The following SPEF2 variants were observed in gnomAD, a reference collection of about 807,000 sequenced individuals.
SPEF2 encodes the protein sperm flagellar and cilia associated 2.
In SPEF2, 187 loss-of-function variants were observed where a neutral mutation model predicts 224.6. The ratio of observed to expected loss-of-function variants is 0.83; its 90% confidence interval spans 0.74 to 0.94. The LOEUF (loss-of-function observed/expected upper bound fraction) is 0.94, where lower values mean the gene tolerates loss of function less well. SPEF2 is among the 40% of genes least tolerant of loss of function. The probability of loss-of-function intolerance (pLI) is 0.00; values close to 1 mark genes in which losing one functional copy is unlikely to be tolerated. For synonymous variants in SPEF2, 715 were observed against 707.3 expected, an observed-to-expected ratio of 1.01 and a Z score of -0.17; for missense variants, 2,170 against 2,135.6, an observed-to-expected ratio of 1.02 and a Z score of -0.32.
At chr5:35,625,901 GC>G (rs1561090116) in intron 1 of SPEF2, among the ~76,000 whole-genome samples, 1 of 152,200 alleles carries the variant, frequency 6.6e-6, no homozygotes, top group Non-Finnish European at 1.5e-5. Flanking sequence ...GATTTCAGTT[GC>G]TTTAAAGACT....
At chr5:35,668,552 G>T (rs185255803) in intron 9 of SPEF2, among the ~76,000 whole-genome samples, 1 of 152,198 alleles carries the variant, frequency 6.6e-6, no homozygotes, top group Non-Finnish European at 1.5e-5. Flanking sequence ...CAACATGATG[G>T]GTTCTGTGGT....
chr5:35,673,829 T>C (rs1414591538), intron 10 of SPEF2, among the ~76,000 whole-genome samples: 1 of 152,242 alleles, frequency 6.6e-6, no homozygotes, highest in Non-Finnish European at 1.5e-5. Flanking sequence ...TGTGGTTGTA[T>C]ATGTTATGGT....
At chr5:35,634,669 G>A (rs1034527904) in intron 2 of SPEF2, among the ~76,000 whole-genome samples, 1 of 151,992 alleles carries the variant, frequency 6.6e-6, no homozygotes, top group Admixed American at 6.6e-5. Context: ...GTAGGTCTCT[G>A]AGGCTTTGTT....
intron 23 of SPEF2, among the ~76,000 whole-genome samples, chr5:35,744,807 G>A (rs1023525379): frequency 8.5e-5 from 13 of 152,110 alleles, no homozygotes; most frequent in African/African-American, 3.1e-4. Context: ...CAGGAGGCAG[G>A]ACTAGATTGC....
chr5:35,699,631 C>T (rs753498312), intron 15 of SPEF2: 2 of 152,186 alleles, frequency 1.3e-5, no homozygotes, highest in Non-Finnish European at 2.9e-5. Context: ...GTACAAGTAT[C>T]CAGTACTTGC....
chr5:35,619,116 C>T (rs1008230998), intron 1 of SPEF2, among the ~76,000 whole-genome samples: 2 of 151,878 alleles, frequency 1.3e-5, no homozygotes, highest in Non-Finnish European at 2.9e-5. Context: ...AGGCATAAAC[C>T]TCAGACTCTT....
intron 7 of SPEF2, among the ~76,000 whole-genome samples, chr5:35,658,203 C>G (rs977038969): frequency 2.6e-5 from 4 of 152,138 alleles, no homozygotes; most frequent in Non-Finnish European, 5.9e-5. Context: ...CCAAGGCCAC[C>G]CAGCCTATTA....
At chr5:35,627,244 A>G (rs1224399079) in intron 1 of SPEF2, among the ~76,000 whole-genome samples, 1 of 152,088 alleles carries the variant, frequency 6.6e-6, no homozygotes, top group African/African-American at 2.4e-5. Context: ...TTTATAAGAA[A>G]AATACAAGTA....
At position 35,807,335 on chromosome 5, in the gene SPEF2, T is replaced by A. The variant is rs928459701; in HGVS notation, c.5379+82T>A. On this transcript the variant is annotated intron_variant, in intron 36 of 36. Coordinates refer to ENST00000356031, the MANE Select transcript of SPEF2 (RefSeq NM_024867.4). ...GGATGTTTCTAAATGTGAGCTGGCATGGAAGAGAAAGAAGCTGTACTCTGC... is the reference window on the plus strand; with the variant it reads ...GGATGTTTCTAAATGTGAGCTGGCAAGGAAGAGAAAGAAGCTGTACTCTGC... 169 of 1,523,010 alleles carry A rather than the reference T, an allele frequency of 1.1e-4. 1 individual carries two copies. The highest frequency in any genetic ancestry group is 4.1e-4 in the Admixed American group (19 of 46,318). 94.3% of individuals were successfully genotyped at this position (1,523,010 alleles called of 1,614,324 possible).
At chr5:35,673,134 A>G (rs1751416546) in intron 10 of SPEF2, among the ~76,000 whole-genome samples, 1 of 152,176 alleles carries the variant, frequency 6.6e-6, no homozygotes, top group African/African-American at 2.4e-5. Context: ...TTCCTAGGCA[A>G]CTACCACAGC....
intron 30 of SPEF2, chr5:35,791,172 C>A (rs1755897074): frequency 6.6e-6 from 1 of 152,132 alleles, no homozygotes; most frequent in African/African-American, 2.4e-5. Context: ...ACTGAAAATT[C>A]TGCTATCTGG....
At chr5:35,772,710 A>G (rs1296612661) in intron 27 of SPEF2, among the ~76,000 whole-genome samples, 2 of 152,194 alleles carry the variant, frequency 1.3e-5, no homozygotes, top group Non-Finnish European at 2.9e-5. Context: ...CTCAAGTGGC[A>G]GGAATAAGGG....
intron 26 of SPEF2, among the ~76,000 whole-genome samples, chr5:35,769,341 G>A (rs1357072906): frequency 6.6e-6 from 1 of 151,810 alleles, no homozygotes; most frequent in Non-Finnish European, 1.5e-5. Flanking sequence ...TGCAAGTACA[G>A]TATCTGGTAT....
chr5:35,760,562 A>G (rs187604260), intron 25 of SPEF2, among the ~76,000 whole-genome samples: 204 of 152,300 alleles, frequency 1.3e-3, no homozygotes, highest in Non-Finnish European at 2.3e-3. Flanking sequence ...AGACCTATTA[A>G]TAGTCTAACA....
intron 31 of SPEF2, among the ~76,000 whole-genome samples, 156 bp from the exon 32 acceptor site, chr5:35,793,003 G>A (rs535410702): frequency 1.6e-4 from 24 of 152,226 alleles, no homozygotes; most frequent in African/African-American, 5.5e-4. Flanking sequence ...GTGGATGGTT[G>A]GTAGAATAAA....
chr5:35,713,551 T>C (rs548384666), intron 20 of SPEF2, among the ~76,000 whole-genome samples: 12 of 151,224 alleles, frequency 7.9e-5, no homozygotes, highest in African/African-American at 2.2e-4. Context: ...CTGGCCAACA[T>C]GGTGAAACCC....
intron 30 of SPEF2, among the ~76,000 whole-genome samples, chr5:35,786,928 G>A (rs1290479224): frequency 6.6e-6 from 1 of 152,178 alleles, no homozygotes; most frequent in East Asian, 1.9e-4. Context: ...TATATGTCAT[G>A]AAATATTTTA....
At chr5:35,807,590 T>C (rs942508741) in intron 36 of SPEF2, 6 of 1,486,290 alleles carry the variant, frequency 4.0e-6, no homozygotes, top group African/African-American at 1.4e-5. Context: ...ACCAAGACCA[T>C]GATCTCCAGC....
chr5:35,654,168 G>C (rs1748623364), intron 6 of SPEF2, among the ~76,000 whole-genome samples: 2 of 151,620 alleles, frequency 1.3e-5, no homozygotes, highest in Non-Finnish European at 2.9e-5. Flanking sequence ...GCTGAGGCAG[G>C]AGAATCACTT....
Sources: allele counts gnomAD v4.1 joint callset (sites outside exome capture counted in the v4.1 genomes callset), GRCh38; gene constraint gnomAD v4.1.1; transcripts MANE v1.5; gene names NCBI Gene and HGNC (gene_info 2026-07-23, HGNC 2026-07-21).